The following TBC1D5 variants were observed in gnomAD, a reference collection of about 807,000 sequenced individuals.
The protein encoded by TBC1D5 is TBC1 domain family, member 5.
TBC1D5 carries 75 observed loss-of-function variants against 100.3 expected under a neutral mutation model. The ratio of observed to expected loss-of-function variants is 0.75; its 90% CI spans 0.62 to 0.91. The LOEUF is 0.91. Ranked by LOEUF, TBC1D5 falls within the 40% of genes least tolerant of loss-of-function variation. TBC1D5 has a pLI of 0.00. For synonymous variants in TBC1D5, 323 were observed against 325.6 expected, an observed-to-expected ratio of 0.99 and a Z score of 0.09; for missense variants, 910 against 942.4, an observed-to-expected ratio of 0.97 and a Z score of 0.45.
chr3:17,453,933 T>C (rs1220099537), intron 3 of TBC1D5, among the ~76,000 whole-genome samples: 1 of 152,196 alleles, frequency 6.6e-6, no homozygotes, highest in Admixed American at 6.5e-5. Context: ...GTGGGATTTA[T>C]CTCAGAGATG....
intron 3 of TBC1D5, among the ~76,000 whole-genome samples, chr3:17,446,609 T>C (rs1240038746): frequency 6.6e-6 from 1 of 152,148 alleles, no homozygotes; most frequent in Non-Finnish European, 1.5e-5. Flanking sequence ...TAGAAACACT[T>C]GAAAGTATTA....
intron 2 of TBC1D5, among the ~76,000 whole-genome samples, chr3:17,607,481 C>A (rs1302868277): frequency 6.7e-6 from 1 of 150,210 alleles, no homozygotes; most frequent in Non-Finnish European, 1.5e-5. Context: ...ATGTTATTTT[C>A]TTTTTGTATT....
At chr3:17,468,531 TTTG>T (rs1241535943) in intron 3 of TBC1D5, among the ~76,000 whole-genome samples, 1 of 152,204 alleles carries the variant, frequency 6.6e-6, no homozygotes, top group Non-Finnish European at 1.5e-5. Context: ...TCTGTTTATT[TTTG>T]TTATTTATTA....
At chr3:17,459,879 C>T (rs1400970472) in intron 3 of TBC1D5, among the ~76,000 whole-genome samples, 3 of 152,276 alleles carry the variant, frequency 2.0e-5, no homozygotes, top group Non-Finnish European at 4.4e-5. Context: ...TGATCCTATG[C>T]TTTACAGCAA....
intron 17 of TBC1D5, among the ~76,000 whole-genome samples, chr3:17,230,711 T>C (rs949151762): frequency 6.6e-6 from 1 of 152,118 alleles, no homozygotes; most frequent in African/African-American, 2.4e-5. Flanking sequence ...AAGATGCCTA[T>C]GGAAATTATT....
chr3:17,320,329 G>A (rs374473530), intron 13 of TBC1D5, among the ~76,000 whole-genome samples: 5 of 152,184 alleles, frequency 3.3e-5, no homozygotes, highest in Non-Finnish European at 5.9e-5. Flanking sequence ...GCAAATTCTT[G>A]AACCCCACTC....
At chr3:17,495,725 A>G (rs1037356382) in intron 3 of TBC1D5, among the ~76,000 whole-genome samples, 3 of 152,354 alleles carry the variant, frequency 2.0e-5, no homozygotes, top group Non-Finnish European at 4.4e-5. Context: ...CTTAGGTCAG[A>G]AATACCTACA....
At chr3:17,616,126 T>A (rs933233919) in intron 2 of TBC1D5, among the ~76,000 whole-genome samples, 1 of 152,268 alleles carries the variant, frequency 6.6e-6, no homozygotes, top group Non-Finnish European at 1.5e-5. Context: ...TCTTTATTTC[T>A]GCCTTCATTT....
chr3:17,167,685 C>T (rs977470290), intron 20 of TBC1D5, 64 bp downstream of exon 21: 16 of 1,456,410 alleles, frequency 1.1e-5, no homozygotes, highest in African/African-American at 1.4e-5. Flanking sequence ...GTGCTCCATG[C>T]CCTGGGGGGC....
intron 1 of TBC1D5, among the ~76,000 whole-genome samples, chr3:17,632,357 C>G (rs929775661): frequency 1.3e-5 from 2 of 152,174 alleles, no homozygotes; most frequent in Non-Finnish European, 2.9e-5. Flanking sequence ...AAAGTAGTCT[C>G]TTGAGATGGA....
chr3:17,636,047 G>A (rs546026907), intron 1 of TBC1D5, among the ~76,000 whole-genome samples: 19 of 152,206 alleles, frequency 1.2e-4, no homozygotes, highest in African/African-American at 4.6e-4. Flanking sequence ...ACAAAAATTA[G>A]CTGGGTGTGG....
intron 13 of TBC1D5, among the ~76,000 whole-genome samples, chr3:17,319,848 C>T (rs1028218149): frequency 4.6e-5 from 7 of 151,642 alleles, no homozygotes; most frequent in South Asian, 2.1e-4. Flanking sequence ...CCAGCCTGGG[C>T]GACACAGCGA....
intron 15 of TBC1D5, among the ~76,000 whole-genome samples, chr3:17,278,371 G>T (rs2080236986): frequency 6.6e-6 from 1 of 152,094 alleles, no homozygotes; most frequent in African/African-American, 2.4e-5. Flanking sequence ...AAATTGAGGG[G>T]ACTGGCACCT....
chr3:17,360,724 T>A (rs1406663085), intron 13 of TBC1D5, among the ~76,000 whole-genome samples: 1 of 152,026 alleles, frequency 6.6e-6, no homozygotes, highest in Admixed American at 6.6e-5. Context: ...AAAGTCTTAG[T>A]TGCAGAGTTA....
intron 13 of TBC1D5, among the ~76,000 whole-genome samples, chr3:17,347,891 T>G (rs2090105626): frequency 6.6e-6 from 1 of 152,142 alleles, no homozygotes. Flanking sequence ...TAATTCTTGC[T>G]ACTTGGGAAG....
chr3:17,219,374 T>C (rs757461816), intron 17 of TBC1D5, among the ~76,000 whole-genome samples: 1 of 151,930 alleles, frequency 6.6e-6, no homozygotes, highest in Admixed American at 6.6e-5. Context: ...ATATTTACAG[T>C]AGCTGACTTA....
At chr3:17,718,666 C>T (rs983977138) in intron 1 of TBC1D5, among the ~76,000 whole-genome samples, 21 of 152,132 alleles carry the variant, frequency 1.4e-4, no homozygotes, top group Non-Finnish European at 2.4e-4. Context: ...TAAGTATATT[C>T]ACAATGCTGT....
chr3:17,601,283 G>A (rs1473150365), intron 2 of TBC1D5, among the ~76,000 whole-genome samples: 2 of 152,206 alleles, frequency 1.3e-5, no homozygotes, highest in Admixed American at 6.5e-5. Flanking sequence ...GGCCCAGGCG[G>A]GTGGATCACC....
chr3:17,574,544 AAAG>A (rs1327253466), intron 2 of TBC1D5, among the ~76,000 whole-genome samples: 1 of 152,116 alleles, frequency 6.6e-6, no homozygotes, highest in African/African-American at 2.4e-5. Flanking sequence ...GGACTGTGGC[AAAG>A]AAGACAGAAT....
Sources: allele counts gnomAD v4.1 joint callset (sites outside exome capture counted in the v4.1 genomes callset), GRCh38; gene constraint gnomAD v4.1.1; transcripts MANE v1.5; gene names NCBI Gene and HGNC (gene_info 2026-07-23, HGNC 2026-07-21).